Variants in SUPT3H observed in about 807,000 individuals in gnomAD.
The protein encoded by SUPT3H is SPT3 homolog, SAGA and STAGA complex component.
Under a neutral mutation model 44.3 loss-of-function variants are expected in SUPT3H, and 44 were observed. The ratio of observed to expected loss-of-function variants is 0.99; its 90% CI spans 0.78 to 1.28. The LOEUF (loss-of-function observed/expected upper bound fraction) is 1.28, where lower values mean the gene tolerates loss of function less well. Ranked by LOEUF, SUPT3H falls within the 50% of genes most tolerant of loss-of-function variation. SUPT3H has a pLI of 0.00. For synonymous variants in SUPT3H, 124 were observed against 125.6 expected (o/e 0.99, Z 0.09); for missense variants, 380 against 387.1 (o/e 0.98, Z 0.15).
chr6:45,063,103 GCTGGAGATCTGAGA>G (rs1251102582), intron 3 of SUPT3H, among the ~76,000 whole-genome samples: 3 of 146,336 alleles, frequency 2.1e-5, no homozygotes, highest in African/African-American at 7.8e-5. Flanking sequence ...CCAGCACGCA[GCTGGAGATCTGAGA>G]ACGGGCAGAC....
chr6:44,861,672 C>G (rs922662698), intron 10 of SUPT3H, among the ~76,000 whole-genome samples: 1 of 151,914 alleles, frequency 6.6e-6, no homozygotes, highest in Non-Finnish European at 1.5e-5. Flanking sequence ...CAGATGTGAG[C>G]CACCACCATG....
chr6:44,845,520 C>A (rs1771713050), intron 10 of SUPT3H, among the ~76,000 whole-genome samples: 2 of 152,180 alleles, frequency 1.3e-5, no homozygotes, highest in Admixed American at 1.3e-4. Context: ...GAGGGCTCCA[C>A]CCTAGGGCCT....
At chr6:44,898,585 G>A (rs12530016) in intron 10 of SUPT3H, 37,319 of 152,154 alleles carry the variant, frequency 0.25, 4,847 homozygotes, top group Admixed American at 0.37. Flanking sequence ...AGTGGTTACT[G>A]TTGTAACAGT....
chr6:45,049,791 T>C (rs1412835924), intron 3 of SUPT3H, among the ~76,000 whole-genome samples: 1 of 152,168 alleles, frequency 6.6e-6, no homozygotes, highest in Non-Finnish European at 1.5e-5. Flanking sequence ...CTAATCCTTA[T>C]AAAATAAGGA....
chr6:45,360,653 C>G (rs1794093517), intron 2 of SUPT3H, among the ~76,000 whole-genome samples: 1 of 152,208 alleles, frequency 6.6e-6, no homozygotes, highest in Non-Finnish European at 1.5e-5. Context: ...CTCTAGTACA[C>G]TGCAGCAATG....
chr6:45,096,275 T>A (rs1254869467), intron 3 of SUPT3H, among the ~76,000 whole-genome samples: 1 of 152,228 alleles, frequency 6.6e-6, no homozygotes, highest in African/African-American at 2.4e-5. Context: ...TATGTAAGAG[T>A]TGGTTTAAAT....
chr6:44,914,279 GTTCT>G (rs1376572822), intron 10 of SUPT3H, among the ~76,000 whole-genome samples: 1 of 152,200 alleles, frequency 6.6e-6, no homozygotes, highest in African/African-American at 2.4e-5. Flanking sequence ...TGACAGCAAA[GTTCT>G]TTCTTGTTGG....
At chr6:45,007,100 AT>A (rs1215250141) in intron 5 of SUPT3H, among the ~76,000 whole-genome samples, 1 of 152,130 alleles carries the variant, frequency 6.6e-6, no homozygotes, top group African/African-American at 2.4e-5. Context: ...CCTTCCTCTC[AT>A]GAATCGATAA....
intron 10 of SUPT3H, among the ~76,000 whole-genome samples, chr6:44,885,974 A>C (rs1396185678): frequency 6.6e-6 from 1 of 152,254 alleles, no homozygotes; most frequent in Non-Finnish European, 1.5e-5. Context: ...AAAATGCACA[A>C]GCCTCAGGAG....
intron 2 of SUPT3H, among the ~76,000 whole-genome samples, chr6:45,158,275 C>CATATATATATAT (rs70996305): frequency 1.1e-4 from 7 of 62,178 alleles, no homozygotes; most frequent in African/African-American, 8.8e-4. Flanking sequence ...TATAAATATA[C>CATATATATATAT]ATATATATAT....
chr6:44,924,346 T>G (rs985734098), intron 10 of SUPT3H, among the ~76,000 whole-genome samples: 8 of 152,116 alleles, frequency 5.3e-5, no homozygotes, highest in Non-Finnish European at 1.2e-4. Flanking sequence ...GGATATAATA[T>G]TCCAACTGTC....
chr6:44,906,628 G>T (rs905746707), intron 10 of SUPT3H, among the ~76,000 whole-genome samples: 1 of 152,102 alleles, frequency 6.6e-6, no homozygotes, highest in African/African-American at 2.4e-5. Context: ...CAGGCATGGT[G>T]GTGGGCCCCT....
intron 10 of SUPT3H, among the ~76,000 whole-genome samples, chr6:44,916,794 C>A (rs1452801478): frequency 6.6e-6 from 1 of 152,058 alleles, no homozygotes; most frequent in African/African-American, 2.4e-5. Flanking sequence ...ATGTTAAGCA[C>A]AGTGCTGGAA....
intron 2 of SUPT3H, among the ~76,000 whole-genome samples, chr6:45,176,359 T>G (rs1811856911): frequency 6.6e-6 from 1 of 151,956 alleles, no homozygotes; most frequent in Non-Finnish European, 1.5e-5. Flanking sequence ...ATATTGCGCT[T>G]TTCAGACCGG....
At chr6:45,362,160 T>C (rs937091647) in intron 2 of SUPT3H, among the ~76,000 whole-genome samples, 17 of 152,238 alleles carry the variant, frequency 1.1e-4, no homozygotes, top group African/African-American at 3.9e-4. Flanking sequence ...GCTCTAATAC[T>C]AGGACAGATT....
At chr6:45,133,500 T>C (rs1803803409) in intron 2 of SUPT3H, among the ~76,000 whole-genome samples, 1 of 152,138 alleles carries the variant, frequency 6.6e-6, no homozygotes, top group Admixed American at 6.5e-5. Flanking sequence ...TCCTGCTTGA[T>C]GGGAGGACAA....
At chr6:45,049,187 A>C (rs1006616490) in intron 3 of SUPT3H, among the ~76,000 whole-genome samples, 1 of 152,224 alleles carries the variant, frequency 6.6e-6, no homozygotes, top group Non-Finnish European at 1.5e-5. Flanking sequence ...TTAAAAAATC[A>C]GCTTAGAAAG....
chr6:45,350,601 G>C (rs1273738712), intron 2 of SUPT3H, among the ~76,000 whole-genome samples: 2 of 152,122 alleles, frequency 1.3e-5, no homozygotes, highest in Non-Finnish European at 2.9e-5. Flanking sequence ...GGGAAAAATA[G>C]GGGGATGAAA....
chr6:45,021,100 G>A (rs1273141384), intron 3 of SUPT3H, among the ~76,000 whole-genome samples: 4 of 151,454 alleles, frequency 2.6e-5, no homozygotes, highest in Non-Finnish European at 5.9e-5. Flanking sequence ...AATATCCAAA[G>A]GAAAAAAAAT....
Sources: gnomAD v4.1 joint callset for allele counts (sites outside exome capture counted in the v4.1 genomes callset) on GRCh38, gnomAD v4.1.1 for gene constraint, MANE v1.5 for transcripts, NCBI Gene and HGNC (gene_info 2026-07-23, HGNC 2026-07-21) for gene names.